The following UBE2K variants were observed in gnomAD, a reference collection of about 807,000 sequenced individuals.
UBE2K encodes ubiquitin conjugating enzyme E2 K.
UBE2K carries 6 observed loss-of-function variants against 30.0 expected under a neutral mutation model. The ratio of observed to expected loss-of-function variants is 0.20; its 90% CI spans 0.11 to 0.39. The LOEUF (loss-of-function observed/expected upper bound fraction) is 0.39. Among genes scored for constraint, UBE2K ranks in the 10% least tolerant of loss-of-function variants. The pLI is 1.00. For synonymous variants in UBE2K, 86 were observed against 83.7 expected, an observed-to-expected ratio of 1.03 and a Z score of -0.15; for missense variants, 61 against 241.6, an observed-to-expected ratio of 0.25 and a Z score of 4.96.
At chr4:39,762,038 G>T (rs1362551828) in intron 4 of UBE2K, among the ~76,000 whole-genome samples, 1 of 151,800 alleles carries the variant, frequency 6.6e-6, no homozygotes, top group East Asian at 1.9e-4. Context: ...AATTAGCCGG[G>T]CGTAGTGGCA....
chr4:39,771,515 G>A lies in UBE2K; in HGVS notation c.300-3319G>A, dbSNP rs1477387152. 3 of 1,413,302 alleles carry A rather than the reference G, an allele frequency of 2.1e-6. No individual in the cohort carries two copies. In the African/African-American group the frequency reaches 4.3e-5, roughly 20 times the overall value. 87.5% of individuals were successfully genotyped at this position (1,413,302 alleles called of 1,614,324 possible). On this transcript the variant is annotated intron_variant, in intron 4 of 6. Transcript: ENST00000261427. ...CCCCTATTTTCCCCACCCCCGCGGG[G>A]CCGGAAGCGCCCCCCACACACGGGC... is the stretch of plus-strand genomic sequence containing the variant.
intron 4 of UBE2K, among the ~76,000 whole-genome samples, chr4:39,756,611 C>T (rs1721527742): frequency 6.6e-6 from 1 of 151,844 alleles, no homozygotes. Context: ...TACCACCACA[C>T]CTGGCTAATG....
chr4:39,699,172 A>G (rs1049053611), intron 1 of UBE2K, among the ~76,000 whole-genome samples: 30 of 152,346 alleles, frequency 2.0e-4, no homozygotes, highest in African/African-American at 7.2e-4. Context: ...TAGGAAACAA[A>G]TAATGGAATG....
intron 4 of UBE2K, among the ~76,000 whole-genome samples, chr4:39,767,641 A>G (rs1005445352): frequency 6.6e-6 from 1 of 152,256 alleles, no homozygotes; most frequent in East Asian, 1.9e-4. Context: ...TCAGTTTTCA[A>G]GAAAAGTGTT....
rs557127994 is a variant in UBE2K at position 39,743,370 on chromosome 4, G to A, written c.158-2382G>A. On this transcript the variant is annotated intron_variant, in intron 2 of 6. Coordinates refer to ENST00000261427, the MANE Select transcript of UBE2K (RefSeq NM_005339.5). ...TGTAATCCCAGCTCTTTGGGAGGCC[G>A]AGGCGGGTGGATCACAAGGTCAGGA... is the stretch of plus-strand genomic sequence containing the variant. Among the ~76,000 whole-genome samples the A allele has an allele frequency of 1.8e-4, 28 of 152,262 alleles. No homozygotes were observed. In the East Asian group the frequency reaches 2.3e-3, roughly 13 times the overall value.
At chr4:39,756,184 C>CT (rs1560369938) in intron 4 of UBE2K, among the ~76,000 whole-genome samples, 1 of 152,176 alleles carries the variant, frequency 6.6e-6, no homozygotes, top group Non-Finnish European at 1.5e-5. Flanking sequence ...TAGGTGATGT[C>CT]TTCATTTGGA....
chr4:39,738,124 CTTA>C (rs1720473258), intron 2 of UBE2K, among the ~76,000 whole-genome samples: 1 of 152,118 alleles, frequency 6.6e-6, no homozygotes, highest in Admixed American at 6.6e-5. Context: ...ATTTTACTTT[CTTA>C]TTAGGTGAGT....
At chr4:39,730,090 A>C (rs1373238604) in intron 1 of UBE2K, among the ~76,000 whole-genome samples, 1 of 152,218 alleles carries the variant, frequency 6.6e-6, no homozygotes, top group Non-Finnish European at 1.5e-5. Flanking sequence ...TGCCTTGCAA[A>C]TAGCAAGTAC....
At position 39,698,410 on chromosome 4, in the gene UBE2K, A is replaced by G; in HGVS notation, c.63+20A>G. 1 of 1,604,294 alleles carries G rather than the reference A, an allele frequency of 6.2e-7. No individual in the cohort carries two copies. The highest frequency in any genetic ancestry group is 8.5e-7 in the Non-Finnish European group (1 of 1,175,616). ...GAGGAGGTCAGAAATGAACTCCCGG[A>G]TATCCCCCACCTCTGCCTGGGGCGG... On this transcript the variant is annotated intron_variant, in intron 1 of 6. Transcript: ENST00000261427.
intron 2 of UBE2K, among the ~76,000 whole-genome samples, chr4:39,739,346 T>C (rs1398668902): frequency 2.0e-5 from 3 of 151,590 alleles, no homozygotes; most frequent in Admixed American, 6.6e-5. Flanking sequence ...AAACACTTTT[T>C]AAAAATCTAA....
chr4:39,766,845 G>A (rs1350562057), intron 4 of UBE2K, among the ~76,000 whole-genome samples: 1 of 152,072 alleles, frequency 6.6e-6, no homozygotes, highest in Admixed American at 6.5e-5. Flanking sequence ...TGCCTCCTGG[G>A]TGTTCAAGCA....
At chr4:39,774,696 C>A in intron 4 of UBE2K, 138 bp from the exon 5 acceptor site, 1 of 428,262 alleles carries the variant, frequency 2.3e-6, no homozygotes, top group Non-Finnish European at 4.1e-6. Context: ...TTATAAATGT[C>A]TATGACTTAA....
At chr4:39,774,688 A>G (rs763082561) in intron 4 of UBE2K, 146 bp from the exon 5 acceptor site, 7 of 416,096 alleles carry the variant, frequency 1.7e-5, no homozygotes, top group African/African-American at 6.1e-5. Flanking sequence ...ATACATAATT[A>G]TAAATGTCTA....
chr4:39,732,967 T>C lies in UBE2K; in HGVS notation c.64-4453T>C, dbSNP rs540663463. Among the ~76,000 whole-genome samples, 4 of 149,586 alleles carry C rather than the reference T, an allele frequency of 2.7e-5. No homozygotes were observed. In the South Asian group the frequency reaches 6.6e-4, roughly 25 times the overall value. On this transcript the variant is annotated intron_variant, in intron 1 of 6. Coordinates refer to ENST00000261427, the MANE Select transcript of UBE2K (RefSeq NM_005339.5). ...CTGGAATTACAGGGGTGAAACATCC[T>C]GCCTGGCCTAGCTGCTATAGCTTTT...
At chr4:39,703,497 C>G (rs939695144) in intron 1 of UBE2K, among the ~76,000 whole-genome samples, 2 of 151,916 alleles carry the variant, frequency 1.3e-5, no homozygotes, top group Admixed American at 6.6e-5. Flanking sequence ...TGGGCATCAG[C>G]GAGACCCTGT....
At chr4:39,716,509 A>G (rs1021203883) in intron 1 of UBE2K, among the ~76,000 whole-genome samples, 1 of 152,066 alleles carries the variant, frequency 6.6e-6, no homozygotes, top group African/African-American at 2.4e-5. Context: ...TTAGCCGCCC[A>G]GAGTGCTGGG....
chr4:39,767,736 C>CT (rs1171960070), intron 4 of UBE2K, among the ~76,000 whole-genome samples: 1 of 152,024 alleles, frequency 6.6e-6, no homozygotes, highest in Non-Finnish European at 1.5e-5. Context: ...TTTTACATGC[C>CT]TTTATGTTTT....
At chr4:39,778,097 C>CAAAA (rs36215155) in intron 6 of UBE2K, among the ~76,000 whole-genome samples, 2 of 51,732 alleles carry the variant, frequency 3.9e-5, no homozygotes, top group African/African-American at 7.8e-5. Flanking sequence ...GACCCTGTCT[C>CAAAA]AAAAAAAAAA....
intron 1 of UBE2K, among the ~76,000 whole-genome samples, chr4:39,716,768 C>T (rs1009128660): frequency 6.6e-6 from 1 of 151,932 alleles, no homozygotes; most frequent in Non-Finnish European, 1.5e-5. Context: ...GAGGCCAAGG[C>T]GGGTGGATTG....
Sources: gnomAD v4.1 joint callset for allele counts (sites outside exome capture counted in the v4.1 genomes callset) on GRCh38, gnomAD v4.1.1 for gene constraint, MANE v1.5 for transcripts, NCBI Gene and HGNC (gene_info 2026-07-23, HGNC 2026-07-21) for gene names.